PTP4A3: variants seen among roughly 807,000 people sequenced by gnomAD.
PTP4A3 encodes the protein protein tyrosine phosphatase type IVA 3.
A neutral mutation model predicts 15.2 loss-of-function variants in PTP4A3; 9 were observed. The ratio of observed to expected loss-of-function variants is 0.59; its 90% CI spans 0.36 to 1.03. The LOEUF is 1.03. Among genes scored for constraint, PTP4A3 ranks in the 50% least tolerant of loss-of-function variants. The pLI, the probability that PTP4A3 is intolerant of heterozygous loss-of-function variation, is 0.02. For synonymous variants in PTP4A3, 95 were observed against 102.0 expected (o/e 0.93, Z 0.41); for missense variants, 234 against 252.1 (o/e 0.93, Z 0.49).
intron 1 of PTP4A3, among the ~76,000 whole-genome samples, chr8:141,408,452 C>T (rs574522331): frequency 6.6e-6 from 1 of 152,250 alleles, no homozygotes; most frequent in Non-Finnish European, 1.5e-5. Flanking sequence ...AACCCTGTCT[C>T]TACTAAAAAT....
rs185215939 is a variant in PTP4A3, at chr8:141,431,424, G to A, written c.*380G>A. 60 of 258,592 alleles carry A rather than the reference G, an allele frequency of 2.3e-4. No individual in the cohort carries two copies. In the Admixed American group the frequency reaches 2.6e-3, roughly 11 times the overall value. The allele number at this position is 258,592 out of a possible 1,614,324, so 16.0% of individuals were successfully genotyped here. A position where few individuals can be genotyped will look rare whatever the true frequency, so the allele number is the denominator to read the frequency against. On this transcript the variant is annotated 3_prime_UTR_variant, in exon 6 of 6. Transcript: ENST00000521578. ...ACTGGGCCCCCAGCCCCTCTTTTGC[G>A]ACCCCTTGTCCTGACCTGTTCTCGG...
chr8:141,422,591 G>A (rs750117379), intron 2 of PTP4A3, among the ~76,000 whole-genome samples: 5 of 152,146 alleles, frequency 3.3e-5, no homozygotes, highest in Admixed American at 6.5e-5. Context: ...GGGGGCTGGC[G>A]TGTGATAGGA....
intron 1 of PTP4A3, among the ~76,000 whole-genome samples, chr8:141,396,539 CTG>C (rs1249967375): frequency 1.3e-5 from 2 of 152,304 alleles, no homozygotes; most frequent in East Asian, 3.9e-4. Context: ...GGAGCACCTA[CTG>C]TGTGCCTGCT....
intron 1 of PTP4A3, among the ~76,000 whole-genome samples, chr8:141,399,091 C>T (rs1291913852): frequency 6.6e-6 from 1 of 152,016 alleles, no homozygotes; most frequent in African/African-American, 2.4e-5. Context: ...CCCCGCCACC[C>T]CACCCAGGGT....
In PTP4A3 at chr8:141,421,873, T is replaced by G; in HGVS notation, c.-368T>G. On this transcript the variant is annotated 5_prime_UTR_variant, in exon 2 of 6. Transcript: ENST00000521578. ...GTTTTTAAGTTTTCTTTGCTGAGCT[T>G]TTTTGGTTGTTCTTTTTATTTTTTG... 2.0e-5 allele frequency: 4 copies of G among 201,612 alleles called. No individual in the cohort carries two copies. The highest frequency in any genetic ancestry group is 3.0e-5 in the Non-Finnish European group (3 of 100,844). The allele number at this position is 201,612 out of a possible 1,614,324, so 12.5% of individuals were successfully genotyped here.
chr8:141,430,607 CCCTTGTTGT>C (rs1833825231), intron 5 of PTP4A3, among the ~76,000 whole-genome samples: 1 of 152,202 alleles, frequency 6.6e-6, no homozygotes, highest in Admixed American at 6.5e-5. Context: ...CCAGGCACCA[CCCTTGTTGT>C]CTGCTCATGG....
intron 3 of PTP4A3, chr8:141,426,369 C>A (rs1833577567): frequency 1.1e-6 from 1 of 902,886 alleles, no homozygotes; most frequent in African/African-American, 1.8e-5. Flanking sequence ...ACCAAATTAA[C>A]CCCCAGGAGC....
intron 1 of PTP4A3, among the ~76,000 whole-genome samples, chr8:141,397,008 C>A (rs753054152): frequency 1.3e-5 from 2 of 152,160 alleles, no homozygotes; most frequent in Admixed American, 1.3e-4. Context: ...ACAGCCTCTC[C>A]TCCCTTGCTG....
Position 141,431,017 on chromosome 8 carries a change from G to T in PTP4A3, c.495G>T (p.Thr165=). The T allele has an allele frequency of 6.2e-7, 1 of 1,613,228 alleles. No homozygotes were observed. The highest frequency in any genetic ancestry group is 8.5e-7 in the Non-Finnish European group (1 of 1,179,928). ...KQRLRFKDPH[T]HKTRCCVM is the part of the protein sequence containing the mutation. ...GGCTGCGGTTCAAAGACCCACACAC[G>T]CACAAGACCCGGTGCTGCGTTATGT... is the stretch of plus-strand genomic sequence containing the variant. Residue 165 remains threonine (T), a synonymous_variant, in exon 6 of 6, where the codon ACG becomes ACT. Transcript: ENST00000521578.
intron 1 of PTP4A3, among the ~76,000 whole-genome samples, chr8:141,405,516 C>T (rs187561779): frequency 1.0e-3 from 153 of 152,362 alleles, no homozygotes; most frequent in African/African-American, 3.5e-3. Flanking sequence ...GCGGGTCTTC[C>T]TTTCTTCATC....
intron 1 of PTP4A3, among the ~76,000 whole-genome samples, chr8:141,416,866 G>C (rs566907460): frequency 1.3e-5 from 2 of 152,196 alleles, no homozygotes; most frequent in South Asian, 4.1e-4. Context: ...GGGAGGGGGG[G>C]TCGTGCTCTC....
At chr8:141,396,860 C>G (rs1832464557) in intron 1 of PTP4A3, among the ~76,000 whole-genome samples, 7 of 152,126 alleles carry the variant, frequency 4.6e-5, no homozygotes, top group Admixed American at 4.6e-4. Context: ...CCTGAGTGCA[C>G]TGAGCCCGCT....
At chr8:141,420,113 G>A (rs1833258662) in intron 1 of PTP4A3, among the ~76,000 whole-genome samples, 1 of 152,228 alleles carries the variant, frequency 6.6e-6, no homozygotes, top group Admixed American at 6.5e-5. Flanking sequence ...TGGGAAGGGG[G>A]TGCTGGGGCT....
At chr8:141,401,794 G>T (rs1832597371) in intron 1 of PTP4A3, among the ~76,000 whole-genome samples, 1 of 152,186 alleles carries the variant, frequency 6.6e-6, no homozygotes, top group South Asian at 2.1e-4. Context: ...GGGCTCCAAG[G>T]CACTGGAGCA....
At chr8:141,392,722 T>C (rs1466135823) in intron 1 of PTP4A3, 2 of 152,240 alleles carry the variant, frequency 1.3e-5, no homozygotes, top group East Asian at 3.9e-4. Flanking sequence ...GACACGCCCC[T>C]GGGCAGCTGG....
chr8:141,421,266 G>GCTCC (rs982886982), intron 1 of PTP4A3, 122 bp from the exon 2 acceptor site: 1 of 152,336 alleles, frequency 6.6e-6, no homozygotes, highest in Non-Finnish European at 1.5e-5. Flanking sequence ...AGCATGGTCA[G>GCTCC]GAGGAGGGCT....
intron 1 of PTP4A3, among the ~76,000 whole-genome samples, chr8:141,418,253 G>A (rs1833147363): frequency 6.6e-6 from 1 of 152,226 alleles, no homozygotes; most frequent in African/African-American, 2.4e-5. Flanking sequence ...TGAGCCCCGG[G>A]CCTCCAGCCT....
chr8:141,420,539 G>C (rs772539407), intron 1 of PTP4A3, among the ~76,000 whole-genome samples: 4 of 152,152 alleles, frequency 2.6e-5, no homozygotes, highest in Non-Finnish European at 5.9e-5. Context: ...CCCCCCTGCC[G>C]CCTCCCCTCT....
chr8:141,413,485 G>A (rs1474937323), intron 1 of PTP4A3, among the ~76,000 whole-genome samples: 2 of 152,200 alleles, frequency 1.3e-5, no homozygotes, highest in Non-Finnish European at 1.5e-5. Context: ...TCCTGGAGCC[G>A]CACAATTTCC....
Sources: allele counts gnomAD v4.1 joint callset (sites outside exome capture counted in the v4.1 genomes callset), GRCh38; gene constraint gnomAD v4.1.1; transcripts MANE v1.5; gene names NCBI Gene and HGNC (gene_info 2026-07-23, HGNC 2026-07-21).